The following CNTN2 variants were observed in gnomAD, a reference collection of about 807,000 sequenced individuals.
The protein encoded by CNTN2 is contactin 2, also known as contactin-2.
In CNTN2, 53 loss-of-function variants were observed where a neutral mutation model predicts 117.5. The ratio of observed to expected loss-of-function variants is 0.45; its 90% CI spans 0.36 to 0.57. The LOEUF (loss-of-function observed/expected upper bound fraction) is 0.57, where lower values mean the gene tolerates loss of function less well. CNTN2 is among the 20% of genes least tolerant of loss of function. CNTN2 has a pLI of 0.00. For missense variants in CNTN2, 1,106 were observed against 1,404.3 expected (o/e 0.79, Z 3.39); for synonymous variants, 530 against 561.7 (o/e 0.94, Z 0.80).
Position 205,061,618 on chromosome 1 carries a change from G to A in CNTN2, c.973+198G>A. 1.3e-6 allele frequency: 1 copy of A among 774,628 alleles called. No individual in the cohort carries two copies. Among genetic ancestry groups the A allele is most frequent in the Admixed American group, 3.2e-5 (1 of 31,430 alleles). The allele number at this position is 774,628 out of a possible 1,614,324, so 48.0% of individuals were successfully genotyped here. On this transcript the variant is annotated intron_variant, in intron 8 of 22. Transcript: ENST00000331830. The surrounding 1 kb of genome is among the most constrained non-coding windows in gnomAD (Gnocchi z 4.8). ...TCACCTCAGAGCTTCAGTCAGGGGTGCAGAAAGCACACAGGAGGCTCCAGA... is the reference window on the plus strand; with the variant it reads ...TCACCTCAGAGCTTCAGTCAGGGGTACAGAAAGCACACAGGAGGCTCCAGA...
rs761256115 is a variant in CNTN2, at chr1:205,062,521, G to C, written c.1192G>C (p.Glu398Gln). ...EDSGMYQCVA[E>Q]NKHGTIYASA... ...CTCGGGCATGTACCAGTGTGTGGCA[G>C]AGAATAAGCACGGTACCATCTACGC... Residue 398 changes from glutamate to glutamine, a missense_variant, in exon 10 of 23, where the codon GAG (glutamate) becomes CAG (glutamine). Transcript: ENST00000331830. 1.9e-6 allele frequency: 3 copies of C among 1,614,034 alleles called. No homozygotes were observed. Among genetic ancestry groups the C allele is most frequent in the African/African-American group, 2.7e-5 (2 of 74,938 alleles).
chr1:205,073,524 A>C lies in CNTN2; in HGVS notation c.3014-132A>C. On this transcript the variant is annotated intron_variant, in intron 22 of 22. Transcript: ENST00000331830. The surrounding 1 kb of genome is among the most constrained non-coding windows in gnomAD (Gnocchi z 6.3). The stretch of plus-strand genomic sequence containing the variant: ...AAGCACCGTAGGAGTCGGACTGAGA[A>C]GACCACCCAGCCGTCCGCTCCCAGG... The C allele has an allele frequency of 1.2e-6, 1 of 835,590 alleles. No individual in the cohort carries two copies. The highest frequency in any genetic ancestry group is 2.2e-5 in the Admixed American group (1 of 45,364). The allele number at this position is 835,590 out of a possible 1,614,324, so 51.8% of individuals were successfully genotyped here.
At chr1:205,064,126 A>AGGGGGGGGGGGGGGGGGGGGGGG (rs11329962) in intron 10 of CNTN2, among the ~76,000 whole-genome samples, 196 bp from the exon 11 acceptor site, 10 of 94,348 alleles carry the variant, frequency 1.1e-4, no homozygotes, top group Middle Eastern at 4.7e-3. Context: ...TGAGGGGCGG[A>AGGGGGGGGGGGGGGGGGGGGGGG]GGGGGGGCGC....
rs1254346287 is a variant in CNTN2 at position 205,050,998 on chromosome 1, G to A, written c.-86-2102G>A. Among the ~76,000 whole-genome samples the A allele has an allele frequency of 3.9e-5, 6 of 152,220 alleles. No homozygotes were observed. In the South Asian group the frequency reaches 1.2e-3, roughly 32 times the overall value. On this transcript the variant is annotated intron_variant, in intron 1 of 22. Coordinates refer to ENST00000331830, the MANE Select transcript of CNTN2 (RefSeq NM_005076.5). Reference sequence around the variant, plus strand: ...TGTATTAAATGGAGTTTCAACTTATGATATTTCCAACTTTCAGTGGGTTTA... The same window carrying A: ...TGTATTAAATGGAGTTTCAACTTATAATATTTCCAACTTTCAGTGGGTTTA...
chr1:205,065,318 C>T lies in CNTN2; in HGVS notation c.1695+56C>T. 1 of 1,587,928 alleles carries T rather than the reference C, an allele frequency of 6.3e-7. No individual in the cohort carries two copies. The highest frequency in any genetic ancestry group is 8.6e-7 in the Non-Finnish European group (1 of 1,161,450). ...CTCCCTCCTTCTAGAGAGACAGGGG[C>T]CCCAAGATGTCCTTAGCCATCCTCA... On this transcript the variant is annotated intron_variant, in intron 13 of 22. Coordinates refer to ENST00000331830, the MANE Select transcript of CNTN2 (RefSeq NM_005076.5). The surrounding 1 kb of genome is among the most constrained non-coding windows in gnomAD (Gnocchi z 4.1).
In CNTN2 at chr1:205,058,433, G is replaced by T. The variant is rs9787409; in HGVS notation, c.391+77G>T. ...GGAGAAATTACTGAGAAAGGATAAGGGACACCCTCAAGCCGGGCCTTCCTG... is the reference window on the plus strand; with the variant it reads ...GGAGAAATTACTGAGAAAGGATAAGTGACACCCTCAAGCCGGGCCTTCCTG... On this transcript the variant is annotated intron_variant, in intron 4 of 22. Transcript: ENST00000331830. The surrounding 1 kb of genome is among the most constrained non-coding windows in gnomAD (Gnocchi z 4.3). The T allele has an allele frequency of 0.19, 284,375 of 1,534,462 alleles. 32,024 individuals carry two copies. Among genetic ancestry groups the T allele is most frequent in the East Asian group, 0.48 (20,717 of 43,104 alleles).
rs768130620 is a variant in CNTN2 at position 205,064,480 on chromosome 1, C to T, written c.1391+8C>T. ...TTTGGTCAACAGCAGCAGGTACCAC[C>T]CACACCCCACCCTGCACAGTTCCTG... is the stretch of plus-strand genomic sequence containing the variant. On this transcript the variant is annotated splice_region_variant and intron_variant, in intron 11 of 22. Coordinates refer to ENST00000331830, the MANE Select transcript of CNTN2 (RefSeq NM_005076.5). 6.2e-7 allele frequency: 1 copy of T among 1,602,606 alleles called. No individual in the cohort carries two copies. The highest frequency in any genetic ancestry group is 1.1e-5 in the South Asian group (1 of 90,326).
chr1:205,062,844 A>C, intron 10 of CNTN2: 1 of 227,056 alleles, frequency 4.4e-6, no homozygotes, highest in Non-Finnish European at 8.5e-6. Context: ...AACCAAATCA[A>C]TCAGATTTGT....
intron 17 of CNTN2, 51 bp downstream of exon 17, chr1:205,069,612 G>GC: frequency 6.3e-7 from 1 of 1,579,308 alleles, no homozygotes; most frequent in South Asian, 1.1e-5. Context: ...CCCCTCTCCC[G>GC]CTTGAGCAGC....
At position 205,058,237 on chromosome 1, in the gene CNTN2, T is replaced by TG. The variant is rs1653767397; in HGVS notation, c.278dup (p.Asn94GlnfsTer54). On this transcript the variant is annotated frameshift_variant, in exon 4 of 23. Transcript: ENST00000331830. LOFTEE classifies it high-confidence loss of function. This position sits in a 1 kb window ranked among gnomAD's most constrained non-coding sequence, Gnocchi z 4.3. ...GAGCCAGGTTCCCGTCACCAGCTGG[T>TG]GGGGGGCAACCTGGTCATCATGAAC... 2 of 1,563,856 alleles carry TG rather than the reference T, an allele frequency of 1.3e-6. No homozygotes were observed. Among genetic ancestry groups the TG allele is most frequent in the Non-Finnish European group, 8.7e-7 (1 of 1,155,774 alleles).
chr1:205,062,419 G>A (rs760311129), intron 9 of CNTN2, 21 bp from the exon 10 acceptor site: 1 of 1,604,546 alleles, frequency 6.2e-7, no homozygotes. Flanking sequence ...ATCCCCCTGG[G>A]CTCTGGGCTC....
chr1:205,053,030 A>T (rs1225205916), intron 1 of CNTN2, 70 bp from the exon 2 acceptor site: 1 of 486,404 alleles, frequency 2.1e-6, no homozygotes, highest in African/African-American at 2.0e-5. Flanking sequence ...AGCTTTACGG[A>T]CCCAGATGTG....
intron 14 of CNTN2, 132 bp from the exon 15 acceptor site, chr1:205,066,309 T>C: frequency 9.5e-7 from 1 of 1,049,870 alleles, no homozygotes; most frequent in Non-Finnish European, 1.4e-6. Flanking sequence ...CCCTCCCGCC[T>C]GGGTGTGTGT....
rs1654482931 is a variant in CNTN2, at chr1:205,069,659, C to T, written c.2196+98C>T. On this transcript the variant is annotated intron_variant, in intron 17 of 22. Coordinates refer to ENST00000331830, the MANE Select transcript of CNTN2 (RefSeq NM_005076.5). ...CCACTGCACAGCTCTGACTCAAACG[C>T]GGATAACTTCCTGTCCCCCTTCCAC... 3.4e-6 allele frequency: 5 copies of T among 1,451,976 alleles called. No individual in the cohort carries two copies. In the East Asian group the frequency reaches 9.1e-5, roughly 27 times the overall value. The allele number at this position is 1,451,976 out of a possible 1,614,324, so 89.9% of individuals were successfully genotyped here.
At chr1:205,064,581 A>G (rs374064071) in intron 11 of CNTN2, 42 bp from the exon 12 acceptor site, 2 of 1,607,668 alleles carry the variant, frequency 1.2e-6, no homozygotes, top group African/African-American at 1.3e-5. Context: ...CCCAGGGACA[A>G]CCATGCCTGA....
In CNTN2 at chr1:205,061,089, G is replaced by A. The variant is rs2151191688; in HGVS notation, c.798-156G>A. On this transcript the variant is annotated intron_variant, in intron 7 of 22. Coordinates refer to ENST00000331830, the MANE Select transcript of CNTN2 (RefSeq NM_005076.5). This position sits in a 1 kb window ranked among gnomAD's most constrained non-coding sequence, Gnocchi z 4.8. ...TGTGCTCCGAGCCTACCTGGGAGAG[G>A]AGAGTGAGGATCAGCCAGAAGGCAC... The A allele has an allele frequency of 1.3e-6, 1 of 771,706 alleles. No homozygotes were observed. Among genetic ancestry groups the A allele is most frequent in the Non-Finnish European group, 2.0e-6 (1 of 496,852 alleles). 47.8% of individuals were successfully genotyped at this position (771,706 alleles called of 1,614,324 possible). A position where few individuals can be genotyped will look rare whatever the true frequency, so the allele number is the denominator to read the frequency against.
Position 205,076,322 on chromosome 1 carries a change from A to C in CNTN2, c.*2557A>C, listed in dbSNP as rs144210703. On this transcript the variant is annotated 3_prime_UTR_variant, in exon 23 of 23. Coordinates refer to ENST00000331830, the MANE Select transcript of CNTN2 (RefSeq NM_005076.5). ...ATAAGACAATAGGTGACCTGAGGAC[A>C]TGCAAGCTTGTAAAATGCAACAGCC... The C allele has an allele frequency of 1.0e-3, 156 of 152,342 alleles. 1 individual carries two copies. The highest frequency in any genetic ancestry group is 3.5e-3 in the African/African-American group (146 of 41,582). The allele number at this position is 152,342 out of a possible 1,614,324, so 9.4% of individuals were successfully genotyped here.
intron 2 of CNTN2, among the ~76,000 whole-genome samples, chr1:205,053,503 C>T (rs1463450878): frequency 6.6e-6 from 1 of 152,150 alleles, no homozygotes; most frequent in Non-Finnish European, 1.5e-5. Flanking sequence ...GGGTGAGTGG[C>T]TTACCCTAGG....
chr1:205,069,781 G>T, intron 17 of CNTN2, 46 bp from the exon 18 acceptor site: 1 of 1,585,046 alleles, frequency 6.3e-7, no homozygotes, highest in South Asian at 1.1e-5. Flanking sequence ...AACGGGCAGG[G>T]ACACATGCCG....
Sources: allele counts gnomAD v4.1 joint callset (sites outside exome capture counted in the v4.1 genomes callset), GRCh38; gene constraint gnomAD v4.1.1; non-coding constraint Gnocchi (gnomAD v3.1); transcripts MANE v1.5; gene names NCBI Gene and HGNC (gene_info 2026-07-23, HGNC 2026-07-21).